The following PXK variants were observed in gnomAD, a reference collection of about 807,000 sequenced individuals.
The protein encoded by PXK is PX domain containing serine/threonine kinase like, also known as PX domain-containing protein kinase-like protein.
In PXK, 35 loss-of-function variants were observed where a neutral mutation model predicts 84.7. That is an observed-to-expected ratio of 0.41 (90% CI 0.32 to 0.55). PXK has a LOEUF of 0.55. Among genes scored for constraint, PXK ranks in the 20% least tolerant of loss-of-function variants. PXK has a pLI of 0.21. For missense variants in PXK, 634 were observed against 699.7 expected (o/e 0.91, Z 1.06); for synonymous variants, 253 against 260.8 (o/e 0.97, Z 0.29).
At chr3:58,372,688 G>A (rs964320530) in intron 3 of PXK, among the ~76,000 whole-genome samples, 2 of 151,466 alleles carry the variant, frequency 1.3e-5, no homozygotes, top group South Asian at 4.2e-4. Flanking sequence ...ATGCAGTGGC[G>A]TGATCTTGGC....
intron 1 of PXK, among the ~76,000 whole-genome samples, chr3:58,352,035 G>A (rs1293319203): frequency 2.0e-5 from 3 of 152,248 alleles, no homozygotes; most frequent in Non-Finnish European, 4.4e-5. Context: ...GGAAACTGAA[G>A]CACAGAGAAG....
rs570424224 is a variant in PXK, at chr3:58,400,338, C to T, written c.1181+961C>T. Among the ~76,000 whole-genome samples, 5 of 152,220 alleles carry T rather than the reference C, an allele frequency of 3.3e-5. No individual in the cohort carries two copies. Among genetic ancestry groups the T allele is most frequent in the African/African-American group, 4.8e-5 (2 of 41,514 alleles). On this transcript the variant is annotated intron_variant, in intron 12 of 17. Transcript: ENST00000356151. The surrounding 1 kb of genome is among the most constrained non-coding windows in gnomAD (Gnocchi z 4.0). The stretch of plus-strand genomic sequence containing the variant: ...GTATCTGGTGCTTTGTCTGCACCAG[C>T]GTATTATATAACAGATATACTCTGA...
At chr3:58,372,217 G>A (rs908827230) in intron 3 of PXK, among the ~76,000 whole-genome samples, 2 of 152,172 alleles carry the variant, frequency 1.3e-5, no homozygotes, top group African/African-American at 4.8e-5. Context: ...TATAGGTTAT[G>A]TCTTTTTCTG....
rs1353929657 is a variant in PXK at position 58,403,900 on chromosome 3, C to T, written c.1220C>T (p.Pro407Leu). Residue 407 changes from proline (P) to leucine (L), a missense_variant, in exon 13 of 18, where the codon CCA becomes CTA. Coordinates refer to ENST00000356151, the MANE Select transcript of PXK (RefSeq NM_017771.5). Reference protein sequence around the residue: ...SDVLLTTSEKPQFKIPTKLKE... With the variant: ...SDVLLTTSEKLQFKIPTKLKE... ...GTTTTACTAACCACTTCTGAAAAACCACAGTTTAAGGTAAAGACAATTATA... is the reference window on the plus strand; with the variant it reads ...GTTTTACTAACCACTTCTGAAAAACTACAGTTTAAGGTAAAGACAATTATA... The T allele has an allele frequency of 4.6e-6, 7 of 1,534,138 alleles. No homozygotes were observed. Among genetic ancestry groups the T allele is most frequent in the Non-Finnish European group, 6.2e-6 (7 of 1,128,668 alleles).
rs1209254952 is a variant in PXK at position 58,379,236 on chromosome 3, A to G, written c.202-3278A>G. 6.5e-6 allele frequency: 1 copy of G among 153,274 alleles called. No individual in the cohort carries two copies. Among genetic ancestry groups the G allele is most frequent in the Non-Finnish European group, 1.5e-5 (1 of 68,104 alleles). 9.5% of individuals were successfully genotyped at this position (153,274 alleles called of 1,614,324 possible). A position where few individuals can be genotyped will look rare whatever the true frequency, so the allele number is the denominator to read the frequency against. ...CTGCTCGCGGTAGCCCTTTATTTTT[A>G]TACCTAAGAACTAGTTTACTTTTTC... is the stretch of plus-strand genomic sequence containing the variant. On this transcript the variant is annotated intron_variant, in intron 3 of 17. Coordinates refer to ENST00000356151, the MANE Select transcript of PXK (RefSeq NM_017771.5). The surrounding 1 kb of genome is among the most constrained non-coding windows in gnomAD (Gnocchi z 5.1).
intron 6 of PXK, 45 bp from the exon 7 acceptor site, chr3:58,391,728 T>G (rs777765291): frequency 6.5e-7 from 1 of 1,534,898 alleles, no homozygotes; most frequent in Admixed American, 1.7e-5. Context: ...AATTTTTCTT[T>G]TGGTGACCAA....
chr3:58,355,624 A>G (rs1394555442), intron 1 of PXK, among the ~76,000 whole-genome samples: 1 of 152,212 alleles, frequency 6.6e-6, no homozygotes, highest in Non-Finnish European at 1.5e-5. Context: ...ATACCCTTTC[A>G]GAAACTCAGG....
rs189478366 is a variant in PXK at position 58,402,591 on chromosome 3, G to A, written c.1182-1271G>A. 6.0e-4 allele frequency among the ~76,000 whole-genome samples: 91 copies of A among 151,358 alleles called. No individual in the cohort carries two copies. The East Asian group carries it at 0.016, about 26-fold the overall frequency. ...ACTACAGGTGCGTGCCACCATGCCCGGCTAGTTTTTGTATTTTTAGTAGAA... is the reference window on the plus strand; with the variant it reads ...ACTACAGGTGCGTGCCACCATGCCCAGCTAGTTTTTGTATTTTTAGTAGAA... On this transcript the variant is annotated intron_variant, in intron 12 of 17. Coordinates refer to ENST00000356151, the MANE Select transcript of PXK (RefSeq NM_017771.5).
rs901826929 is a variant in PXK, at chr3:58,370,138, A to G, written c.201+660A>G. Among the ~76,000 whole-genome samples the G allele has an allele frequency of 6.6e-6, 1 of 152,232 alleles. No individual in the cohort carries two copies. The highest frequency in any genetic ancestry group is 1.5e-5 in the Non-Finnish European group (1 of 68,046). On this transcript the variant is annotated intron_variant, in intron 3 of 17. Transcript: ENST00000356151. The surrounding 1 kb of genome is among the most constrained non-coding windows in gnomAD (Gnocchi z 4.2). ...TGGAGCTGGGACTCTGAATCTCTTC[A>G]TTGAACTAGGCTACATATCAGCTCT...
At position 58,421,165 on chromosome 3, in the gene PXK, G is replaced by GTGT. The variant is rs2061777359; in HGVS notation, c.1529-3585_1529-3583dup. On this transcript the variant is annotated intron_variant, in intron 17 of 17. Transcript: ENST00000356151. The surrounding 1 kb of genome is among the most constrained non-coding windows in gnomAD (Gnocchi z 5.5). The stretch of plus-strand genomic sequence containing the variant: ...CTCCTGAGGGTGGCTGGTAAGTCTG[G>GTGT]TGTTACCCTAGTGTGGTCTCATGGC... The GTGT allele has an allele frequency of 2.0e-6, 2 of 985,400 alleles. No individual in the cohort carries two copies. The highest frequency in any genetic ancestry group is 1.7e-5 in the African/African-American group (1 of 57,346). The allele number at this position is 985,400 out of a possible 1,614,324, so 61.0% of individuals were successfully genotyped here. A position where few individuals can be genotyped will look rare whatever the true frequency, so the allele number is the denominator to read the frequency against.
At chr3:58,351,815 T>TA (rs2108053359) in intron 1 of PXK, among the ~76,000 whole-genome samples, 1 of 138,970 alleles carries the variant, frequency 7.2e-6, no homozygotes, top group South Asian at 2.8e-4. Flanking sequence ...GGCTGCTTTT[T>TA]GTTTTTTCTG....
Position 58,399,843 on chromosome 3 carries a change from G to C in PXK, c.1181+466G>C, listed in dbSNP as rs767209546. On this transcript the variant is annotated intron_variant, in intron 12 of 17. Transcript: ENST00000356151. This position sits in a 1 kb window ranked among gnomAD's most constrained non-coding sequence, Gnocchi z 4.3. ...TTTCTGAGCACCCATGCTTCTGCTTGTGAATTTACTCACTGGGTACTATTT... is the reference window on the plus strand; with the variant it reads ...TTTCTGAGCACCCATGCTTCTGCTTCTGAATTTACTCACTGGGTACTATTT... 6.6e-6 allele frequency among the ~76,000 whole-genome samples: 1 copy of C among 151,972 alleles called. No homozygotes were observed. Among genetic ancestry groups the C allele is most frequent in the African/African-American group, 2.4e-5 (1 of 41,380 alleles).
At chr3:58,352,694 G>T (rs945412830) in intron 1 of PXK, among the ~76,000 whole-genome samples, 1 of 152,130 alleles carries the variant, frequency 6.6e-6, no homozygotes, top group Admixed American at 6.6e-5. Flanking sequence ...GCAGGAAGTG[G>T]CTATTTAAAA....
chr3:58,382,711 G>A lies in PXK; in HGVS notation c.388+11G>A. 1 of 1,510,156 alleles carries A rather than the reference G, an allele frequency of 6.6e-7. No homozygotes were observed. The highest frequency in any genetic ancestry group is 8.9e-7 in the Non-Finnish European group (1 of 1,128,916). The allele number at this position is 1,510,156 out of a possible 1,614,324, so 93.5% of individuals were successfully genotyped here. A position where few individuals can be genotyped will look rare whatever the true frequency, so the allele number is the denominator to read the frequency against. On this transcript the variant is annotated intron_variant, in intron 4 of 17. Coordinates refer to ENST00000356151, the MANE Select transcript of PXK (RefSeq NM_017771.5). ...CCGCAAACTATACTGGTAAGCGAAG[G>A]AATCTGTGAATTATGGTCACATGGC...
Position 58,412,851 on chromosome 3 carries a change from C to A in PXK, c.1466-50C>A. The stretch of plus-strand genomic sequence containing the variant: ...GTGGGTCCCAGCCTGGGCCAAATTC[C>A]AAATGTCTTTCGTTGGTCCCCATGA... On this transcript the variant is annotated intron_variant, in intron 16 of 17. Transcript: ENST00000356151. This position sits in a 1 kb window ranked among gnomAD's most constrained non-coding sequence, Gnocchi z 6.2. The A allele has an allele frequency of 6.3e-7, 1 of 1,598,664 alleles. No individual in the cohort carries two copies.
rs554424356 is a variant in PXK at position 58,341,058 on chromosome 3, A to G, written c.102+7968A>G. On this transcript the variant is annotated intron_variant, in intron 1 of 17. Transcript: ENST00000356151. ...CCAAGTATGTACAGGGGGAAGTTAA[A>G]GTTGACTCCTCTTCAGAAGAGATGA... 3.9e-5 allele frequency among the ~76,000 whole-genome samples: 6 copies of G among 151,976 alleles called. No individual in the cohort carries two copies. The East Asian group carries it at 1.2e-3, about 29-fold the overall frequency.
Position 58,421,763 on chromosome 3 carries a change from G to C in PXK, c.1529-2989G>C, listed in dbSNP as rs900791008. 1.0e-6 allele frequency: 1 copy of C among 985,302 alleles called. No homozygotes were observed. The highest frequency in any genetic ancestry group is 1.7e-5 in the African/African-American group (1 of 57,232). 61.0% of individuals were successfully genotyped at this position (985,302 alleles called of 1,614,324 possible). A position where few individuals can be genotyped will look rare whatever the true frequency, so the allele number is the denominator to read the frequency against. ...TGTGGTTTGGTGGAGAAGATTTTGGGGTGGGTAGAGTAAGTAGTTGGCTCT... is the reference window on the plus strand; with the variant it reads ...TGTGGTTTGGTGGAGAAGATTTTGGCGTGGGTAGAGTAAGTAGTTGGCTCT... On this transcript the variant is annotated intron_variant, in intron 17 of 17. Transcript: ENST00000356151. The surrounding 1 kb of genome is among the most constrained non-coding windows in gnomAD (Gnocchi z 5.5).
chr3:58,370,569 T>C lies in PXK; in HGVS notation c.201+1091T>C, dbSNP rs1359685744. ...GGAGGGAAAGGACTGCTCCCGTCAT[T>C]GGTGAGCTAGCCGTTATCGCTCATT... On this transcript the variant is annotated intron_variant, in intron 3 of 17. Coordinates refer to ENST00000356151, the MANE Select transcript of PXK (RefSeq NM_017771.5). The surrounding 1 kb of genome is among the most constrained non-coding windows in gnomAD (Gnocchi z 4.2). Among the ~76,000 whole-genome samples, 1 of 152,180 alleles carries C rather than the reference T, an allele frequency of 6.6e-6. No individual in the cohort carries two copies. The highest frequency in any genetic ancestry group is 2.4e-5 in the African/African-American group (1 of 41,438).
intron 1 of PXK, among the ~76,000 whole-genome samples, chr3:58,354,386 G>A (rs916695608): frequency 2.0e-5 from 3 of 151,856 alleles, no homozygotes; most frequent in Non-Finnish European, 4.4e-5. Context: ...TGGTGGTTGC[G>A]TCATCTGTTT....
Sources: gnomAD v4.1 joint callset for allele counts (sites outside exome capture counted in the v4.1 genomes callset) on GRCh38, gnomAD v4.1.1 for gene constraint, Gnocchi (gnomAD v3.1) non-coding constraint, MANE v1.5 for transcripts, NCBI Gene and HGNC (gene_info 2026-07-23, HGNC 2026-07-21) for gene names.